NUDT5: variants seen among roughly 807,000 people sequenced by gnomAD.
NUDT5 encodes nudix hydrolase 5, also known as ADP-sugar pyrophosphatase.
Under a neutral mutation model 34.1 loss-of-function variants are expected in NUDT5, and 21 were observed. The ratio of observed to expected loss-of-function variants is 0.62; its 90% CI spans 0.44 to 0.89. The LOEUF (loss-of-function observed/expected upper bound fraction) is 0.89, where lower values mean the gene tolerates loss of function less well. Ranked by LOEUF, NUDT5 falls within the 40% of genes least tolerant of loss-of-function variation. The probability of loss-of-function intolerance (pLI) is 0.00; values close to 1 mark genes in which losing one functional copy is unlikely to be tolerated. For synonymous variants in NUDT5, 85 were observed against 97.6 expected (o/e 0.87, Z 0.76); for missense variants, 249 against 274.8 (o/e 0.91, Z 0.66).
At position 12,169,579 on chromosome 10, in the gene NUDT5, TATTCAGTATG is replaced by T; in HGVS notation, c.550+1128_550+1137del. 2.5e-6 allele frequency: 1 copy of T among 395,216 alleles called. No homozygotes were observed. Among genetic ancestry groups the T allele is most frequent in the Non-Finnish European group, 4.5e-6 (1 of 221,532 alleles). The allele number at this position is 395,216 out of a possible 1,614,324, so 24.5% of individuals were successfully genotyped here. A position where few individuals can be genotyped will look rare whatever the true frequency, so the allele number is the denominator to read the frequency against. On this transcript the variant is annotated intron_variant, in intron 9 of 9. Coordinates refer to ENST00000491614, the MANE Select transcript of NUDT5 (RefSeq NM_014142.4). This position sits in a 1 kb window ranked among gnomAD's most constrained non-coding sequence, Gnocchi z 4.8. ...TACGCACCAGATAAACTATTGTATC[TATTCAGTATG>T]ATTGTTCTAACTCTGGCTTTGAGCT...
chr10:12,176,183 G>C (rs1588657080), intron 5 of NUDT5, among the ~76,000 whole-genome samples: 1 of 149,550 alleles, frequency 6.7e-6, no homozygotes, highest in South Asian at 2.1e-4. Flanking sequence ...GGCAACAAGA[G>C]CAAAACTCTA....
chr10:12,167,327 T>C lies in NUDT5; in HGVS notation c.*375A>G. 1 of 176,670 alleles carries C rather than the reference T, an allele frequency of 5.7e-6. No homozygotes were observed. Among genetic ancestry groups the C allele is most frequent in the East Asian group, 1.7e-4 (1 of 5,814 alleles). 10.9% of individuals were successfully genotyped at this position (176,670 alleles called of 1,614,324 possible). On this transcript the variant is annotated 3_prime_UTR_variant, in exon 10 of 10. Transcript: ENST00000491614. ...TTATTTGCATACCCAGCTTAGAATTTTATATTGGGGGTTGAGAGTGGAAAT... is the reference window on the plus strand; with the variant it reads ...TTATTTGCATACCCAGCTTAGAATTCTATATTGGGGGTTGAGAGTGGAAAT...
At position 12,173,775 on chromosome 10, in the gene NUDT5, G is replaced by T; in HGVS notation, c.328C>A (p.Leu110Ile). ...CCAGTTTCTTCTTCAAGCTCCCGGA[G>T]AGCAGCTGCTTCTGGGGTTTCACCA... ...DDGETPEAAA[L>I]RELEEETGYK... Residue 110 changes from leucine (L) to isoleucine (I), a missense_variant, in exon 6 of 10, where the codon CTC becomes ATC. Leu to Ile is a conservative substitution (Grantham distance 5). Transcript: ENST00000491614. This position sits in a 1 kb window ranked among gnomAD's most constrained non-coding sequence, Gnocchi z 4.7. The T allele has an allele frequency of 6.2e-7, 1 of 1,613,892 alleles. No homozygotes were observed. The highest frequency in any genetic ancestry group is 8.5e-7 in the Non-Finnish European group (1 of 1,179,782).
Position 12,186,326 on chromosome 10 carries a change from G to T in NUDT5, c.-35C>A. 7.0e-7 allele frequency: 1 copy of T among 1,425,964 alleles called. No homozygotes were observed. Among genetic ancestry groups the T allele is most frequent in the Admixed American group, 1.7e-5 (1 of 59,362 alleles). 88.3% of individuals were successfully genotyped at this position (1,425,964 alleles called of 1,614,324 possible). The stretch of plus-strand genomic sequence containing the variant: ...AGTCTTTACAGCCCTCAGGTGAGAA[G>T]TTCACCCTGCAAGATAATGAGATTT... On this transcript the variant is annotated 5_prime_UTR_variant, in exon 2 of 10. Transcript: ENST00000491614.
chr10:12,184,554 G>T (rs1442516000), intron 3 of NUDT5: 3 of 1,514,064 alleles, frequency 2.0e-6, no homozygotes, highest in Non-Finnish European at 2.7e-6. Context: ...ATTAAAAACA[G>T]ATTTTACTAG....
intron 7 of NUDT5, 138 bp downstream of exon 7, chr10:12,172,627 A>G: frequency 1.6e-6 from 1 of 634,970 alleles, no homozygotes; most frequent in South Asian, 1.9e-5. Context: ...GAAGAGAGAC[A>G]AGAATACTGA....
rs1827639825 is a variant in NUDT5, at chr10:12,167,709, T to A, written c.653A>T (p.Lys218Ile). The A allele has an allele frequency of 6.2e-7, 1 of 1,613,940 alleles. No homozygotes were observed. The highest frequency in any genetic ancestry group is 8.5e-7 in the Non-Finnish European group (1 of 1,179,976). The change falls in exon 10 of 10, where the codon AAA becomes ATA. Residue 218 changes from lysine (K) to isoleucine (I), a missense_variant. Lys to Ile is a moderately radical substitution (Grantham distance 102). Coordinates refer to ENST00000491614, the MANE Select transcript of NUDT5 (RefSeq NM_014142.4). ...CCAGTGTCATATTTGGGCTTAAAAT[T>A]TCAAGAAGGGCACTTCAAATGGCTT... ...NAKPFEVPFL[K>I]F
chr10:12,185,094 C>A, intron 2 of NUDT5, 138 bp from the exon 3 acceptor site: 7 of 522,454 alleles, frequency 1.3e-5, no homozygotes, highest in South Asian at 2.7e-5. Context: ...TCTGTGGGCA[C>A]GTTTTTCAGT....
At chr10:12,194,236 G>A (rs571420931) in intron 1 of NUDT5, among the ~76,000 whole-genome samples, 9 of 152,322 alleles carry the variant, frequency 5.9e-5, no homozygotes, top group Admixed American at 5.9e-4. Flanking sequence ...TATGTTCCCG[G>A]GATCTATTCT....
chr10:12,192,589 C>G (rs1835250538), intron 1 of NUDT5, among the ~76,000 whole-genome samples: 1 of 152,056 alleles, frequency 6.6e-6, no homozygotes, highest in Non-Finnish European at 1.5e-5. Flanking sequence ...CTCGGTGGCT[C>G]ATGCCTGTAA....
chr10:12,183,589 C>T (rs771093582), intron 3 of NUDT5, among the ~76,000 whole-genome samples: 12 of 152,202 alleles, frequency 7.9e-5, no homozygotes, highest in Non-Finnish European at 1.0e-4. Context: ...GATCTGGTTA[C>T]TAAATTTCAT....
At chr10:12,179,871 A>ATT (rs1288593534) in intron 3 of NUDT5, among the ~76,000 whole-genome samples, 2 of 152,216 alleles carry the variant, frequency 1.3e-5, no homozygotes, top group Non-Finnish European at 2.9e-5. Flanking sequence ...TACTGACACA[A>ATT]TTATGCAGTT....
chr10:12,177,322 A>T (rs1046302683), intron 5 of NUDT5, among the ~76,000 whole-genome samples: 1 of 152,120 alleles, frequency 6.6e-6, no homozygotes, highest in Non-Finnish European at 1.5e-5. Context: ...GATCGAGACC[A>T]TCCTGGCCAA....
Position 12,181,262 on chromosome 10 carries a change from G to T in NUDT5, c.132-2130C>A, listed in dbSNP as rs143062095. Among the ~76,000 whole-genome samples the T allele has an allele frequency of 3.9e-5, 6 of 152,284 alleles. No homozygotes were observed. In the East Asian group the frequency reaches 1.2e-3, roughly 29 times the overall value. On this transcript the variant is annotated intron_variant, in intron 3 of 9. Transcript: ENST00000491614. The surrounding 1 kb of genome is among the most constrained non-coding windows in gnomAD (Gnocchi z 5.0). ...TGAAGTGCGTGGGAGGATGTGCATA[G>T]GTTAGAGGCAAATACATACTGAGTA...
At chr10:12,184,458 T>C (rs1835093097) in intron 3 of NUDT5, 1 of 1,539,252 alleles carries the variant, frequency 6.5e-7, no homozygotes, top group African/African-American at 1.4e-5. Context: ...AAAATGTTTT[T>C]TTCCCAATTT....
intron 3 of NUDT5, chr10:12,184,367 A>C (rs532065893): frequency 2.5e-5 from 21 of 836,564 alleles, no homozygotes; most frequent in Non-Finnish European, 3.4e-5. Flanking sequence ...GGCCCTTAAC[A>C]CTTTGTTAAA....
At chr10:12,190,031 T>C (rs933426301) in intron 1 of NUDT5, among the ~76,000 whole-genome samples, 45 of 151,974 alleles carry the variant, frequency 3.0e-4, no homozygotes, top group Non-Finnish European at 5.6e-4. Context: ...GTAGCTGGGA[T>C]TACAGGTACC....
chr10:12,184,933 G>C lies in NUDT5; in HGVS notation c.87C>G (p.Val29=). The change falls in exon 3 of 10, where the codon GTC becomes GTG. Residue 29 remains valine, a synonymous_variant. Transcript: ENST00000491614. The stretch of plus-strand genomic sequence containing the variant: ...CCATGTACGTTGTTTTTTCAAGCTT[G>C]ACCCATTTTCCTTCTGAAATTAACT... ...SEELISEGKW[V]KLEKTTYMDP... 6.3e-7 allele frequency: 1 copy of C among 1,590,012 alleles called. No individual in the cohort carries two copies. The highest frequency in any genetic ancestry group is 8.6e-7 in the Non-Finnish European group (1 of 1,162,452).
chr10:12,169,226 CACTT>C lies in NUDT5; in HGVS notation c.551-1419_551-1416del. On this transcript the variant is annotated intron_variant, in intron 9 of 9. Transcript: ENST00000491614. The surrounding 1 kb of genome is among the most constrained non-coding windows in gnomAD (Gnocchi z 4.8). ...TAGTAGCCCTCTCTCCACCTCCCCT[CACTT>C]ATTCTATTTTTTTCTCCCTTTTCTA... 1 of 1,452,834 alleles carries C rather than the reference CACTT, an allele frequency of 6.9e-7. No individual in the cohort carries two copies. The highest frequency in any genetic ancestry group is 9.4e-7 in the Non-Finnish European group (1 of 1,059,042). 90.0% of individuals were successfully genotyped at this position (1,452,834 alleles called of 1,614,324 possible).
Sources: allele counts gnomAD v4.1 joint callset (sites outside exome capture counted in the v4.1 genomes callset), GRCh38; gene constraint gnomAD v4.1.1; non-coding constraint Gnocchi (gnomAD v3.1); transcripts MANE v1.5; gene names NCBI Gene and HGNC (gene_info 2026-07-23, HGNC 2026-07-21).